The following MED23 variants were observed in gnomAD, a reference collection of about 807,000 sequenced individuals.
MED23 encodes the protein mediator of RNA polymerase II transcription subunit 23.
MED23 carries 105 observed loss-of-function variants against 163.9 expected under a neutral mutation model. The ratio of observed to expected loss-of-function variants is 0.64; its 90% confidence interval spans 0.55 to 0.75. The LOEUF (loss-of-function observed/expected upper bound fraction) is 0.75. Among genes scored for constraint, MED23 ranks in the 30% least tolerant of loss-of-function variants. MED23 has a pLI of 0.00. For missense variants in MED23, 1,054 were observed against 1,649.0 expected, an observed-to-expected ratio of 0.64 and a Z score of 6.25; for synonymous variants, 561 against 565.6, an observed-to-expected ratio of 0.99 and a Z score of 0.12.
At chr6:131,609,972 G>T in intron 11 of MED23, 74 bp downstream of exon 11, 1 of 1,378,248 alleles carries the variant, frequency 7.3e-7, no homozygotes, top group East Asian at 2.3e-5. Context: ...AAAATCACTA[G>T]GGAATGCCCA....
chr6:131,603,081 A>C lies in MED23; in HGVS notation c.1880T>G (p.Leu627Arg), dbSNP rs1775605410. The C allele has an allele frequency of 6.2e-7, 1 of 1,613,914 alleles. No individual in the cohort carries two copies. Among genetic ancestry groups the C allele is most frequent in the Non-Finnish European group, 8.5e-7 (1 of 1,179,906 alleles). The change falls in exon 16 of 29, where the codon CTT becomes CGT. Residue 627 changes from leucine to arginine, a missense_variant. Physicochemically the swap from Leu to Arg is moderately radical, Grantham distance 102 (BLOSUM62 -2). Transcript: ENST00000368068. ...PHYRVQLLSH[L>R]HTLAAVAQTN... ...TTGTGCAACTGCAGCCAAAGTATGA[A>C]GATGACTCAGGAGCTGAACTCTGTA...
intron 12 of MED23, 49 bp from the exon 13 acceptor site, chr6:131,606,673 T>A: frequency 6.9e-7 from 1 of 1,442,186 alleles, no homozygotes; most frequent in Non-Finnish European, 9.6e-7. Flanking sequence ...AAGAGAAGAA[T>A]TAAATAATTA....
At chr6:131,622,710 A>T (rs1777197477) in intron 5 of MED23, among the ~76,000 whole-genome samples, 1 of 152,236 alleles carries the variant, frequency 6.6e-6, no homozygotes, top group South Asian at 2.1e-4. Context: ...GTGATAAATC[A>T]TGATTTAAAC....
chr6:131,573,981 G>C, exon 31 of MED23: 1 of 426,518 alleles, frequency 2.3e-6, no homozygotes, highest in South Asian at 3.0e-5. Context: ...AACTCTAAAA[G>C]GATTTTAATG....
chr6:131,587,542 G>A lies in MED23; in HGVS notation c.*137C>T. The A allele has an allele frequency of 2.0e-6, 3 of 1,514,952 alleles. No individual in the cohort carries two copies. Among genetic ancestry groups the A allele is most frequent in the Non-Finnish European group, 1.8e-6 (2 of 1,131,666 alleles). 93.8% of individuals were successfully genotyped at this position (1,514,952 alleles called of 1,614,324 possible). ...TAAGGTGTCAACAGATTCATCATTTGAATCAAAATAAAACAATCTGAATAT... is the reference window on the plus strand; with the variant it reads ...TAAGGTGTCAACAGATTCATCATTTAAATCAAAATAAAACAATCTGAATAT... On this transcript the variant is annotated 3_prime_UTR_variant, in exon 29 of 29. Coordinates refer to ENST00000368068, the MANE Select transcript of MED23 (RefSeq NM_004830.4).
At chr6:131,612,030 C>T (rs1257537912) in intron 10 of MED23, among the ~76,000 whole-genome samples, 2 of 151,994 alleles carry the variant, frequency 1.3e-5, no homozygotes, top group African/African-American at 2.4e-5. Context: ...GCAAGAACAA[C>T]TAGGAAATTT....
At chr6:131,624,816 A>G (rs1777364005) in intron 4 of MED23, 49 bp downstream of exon 4, 7 of 1,606,336 alleles carry the variant, frequency 4.4e-6, no homozygotes, top group Non-Finnish European at 6.0e-6. Context: ...ATTTCCAATC[A>G]CATATAGAAA....
chr6:131,608,675 G>A (rs1776038826), intron 11 of MED23, among the ~76,000 whole-genome samples: 1 of 151,930 alleles, frequency 6.6e-6, no homozygotes, highest in South Asian at 2.1e-4. Flanking sequence ...CAAAGTGCTG[G>A]GATTACAGGA....
In MED23 at chr6:131,591,309, T is replaced by C; in HGVS notation, c.3686+4A>G. ...AAATTTCTTTAAGAAATTATTATACTTACTTTGGAATGAGAGAAAGTTGTC... is the reference window on the plus strand; with the variant it reads ...AAATTTCTTTAAGAAATTATTATACCTACTTTGGAATGAGAGAAAGTTGTC... On this transcript the variant is annotated splice_donor_region_variant and intron_variant, in intron 26 of 28. Coordinates refer to ENST00000368068, the MANE Select transcript of MED23 (RefSeq NM_004830.4). The C allele has an allele frequency of 6.2e-7, 1 of 1,603,652 alleles. No individual in the cohort carries two copies. The highest frequency in any genetic ancestry group is 8.5e-7 in the Non-Finnish European group (1 of 1,170,648).
Position 131,624,796 on chromosome 6 carries a change from A to G in MED23, c.284+69T>C. 4 of 1,557,014 alleles carry G rather than the reference A, an allele frequency of 2.6e-6. No homozygotes were observed. The South Asian group carries it at 3.3e-5, about 13-fold the overall frequency. ...ATTCTCTTACCTTTTTACAACAACA[A>G]CCTCAACCAATTTCCAATCACATAT... On this transcript the variant is annotated intron_variant, in intron 4 of 28. Coordinates refer to ENST00000368068, the MANE Select transcript of MED23 (RefSeq NM_004830.4).
intron 30 of MED23, chr6:131,578,980 A>T: frequency 9.5e-7 from 1 of 1,049,886 alleles, no homozygotes; most frequent in Non-Finnish European, 1.4e-6. Context: ...CCCAAGATTT[A>T]CAGACCTTTC....
chr6:131,583,756 T>TTAGA (rs1562361762), downstream of MED23: 2 of 1,613,966 alleles, frequency 1.2e-6, no homozygotes. Context: ...ACTCTCAGGA[T>TTAGA]TAGATATAAT....
At position 131,581,234 on chromosome 6, in the gene MED23, C is replaced by T. The variant is rs1290471714; in HGVS notation, c.4095+6475G>A. On this transcript the variant is annotated intron_variant, in intron 30 of 30. Transcript: ENST00000354577. ...TCCCCAAAAGTTTGGCAATTGGAAG[C>T]ATCTCTGGCCATGCCAGGGTCCACC... 1.2e-6 allele frequency: 2 copies of T among 1,613,862 alleles called. No homozygotes were observed. Among genetic ancestry groups the T allele is most frequent in the Non-Finnish European group, 1.7e-6 (2 of 1,179,780 alleles).
Position 131,628,064 on chromosome 6 carries a change from C to T in MED23, c.-15G>A, listed in dbSNP as rs1276204599. The T allele has an allele frequency of 2.5e-6, 4 of 1,613,866 alleles. No individual in the cohort carries two copies. The highest frequency in any genetic ancestry group is 1.3e-5 in the African/African-American group (1 of 74,948). On this transcript the variant is annotated 5_prime_UTR_variant, in exon 1 of 29. Coordinates refer to ENST00000368068, the MANE Select transcript of MED23 (RefSeq NM_004830.4). ...TGCGTCTCCATCTGTACTATCACCCCCGCCTTTCCAGGGTGCCCGGCAAGG... is the reference window on the plus strand; with the variant it reads ...TGCGTCTCCATCTGTACTATCACCCTCGCCTTTCCAGGGTGCCCGGCAAGG...
intron 28 of MED23, 35 bp from the exon 29 acceptor site, chr6:131,587,881 T>A (rs1184692976): frequency 6.5e-7 from 1 of 1,547,960 alleles, no homozygotes; most frequent in South Asian, 1.2e-5. Flanking sequence ...CGTACTTTAA[T>A]CAGAGAATTT....
chr6:131,613,450 T>A (rs911207349), intron 10 of MED23, among the ~76,000 whole-genome samples: 1 of 152,174 alleles, frequency 6.6e-6, no homozygotes, highest in African/African-American at 2.4e-5. Context: ...GAGTAAATTA[T>A]CACATTGCTA....
At chr6:131,606,371 G>T in intron 13 of MED23, 108 bp downstream of exon 13, 1 of 1,101,988 alleles carries the variant, frequency 9.1e-7, no homozygotes, top group Non-Finnish European at 1.4e-6. Context: ...TACCTATAGT[G>T]GGTATGCGGA....
chr6:131,574,437 C>T (rs1773516559), intron 30 of MED23: 1 of 908,242 alleles, frequency 1.1e-6, no homozygotes, highest in East Asian at 2.4e-5. Flanking sequence ...AGAAATGTTC[C>T]TTTTAAAATC....
At chr6:131,602,562 G>T (rs187038211) in intron 16 of MED23, among the ~76,000 whole-genome samples, 181 bp from the exon 17 acceptor site, 16 of 152,248 alleles carry the variant, frequency 1.1e-4, no homozygotes, top group Admixed American at 1.0e-3. Context: ...CAATTTTATA[G>T]TGAAAATCGT....
Sources: gnomAD v4.1 joint callset for allele counts (sites outside exome capture counted in the v4.1 genomes callset) on GRCh38, gnomAD v4.1.1 for gene constraint, MANE v1.5 for transcripts, NCBI Gene and HGNC (gene_info 2026-07-23, HGNC 2026-07-21) for gene names.